The following PLB1 variants were observed in gnomAD, a reference collection of about 807,000 sequenced individuals.
The protein encoded by PLB1 is phospholipase B1.
In PLB1, 242 loss-of-function variants were observed where a neutral mutation model predicts 227.4. The ratio of observed to expected loss-of-function variants is 1.06; its 90% CI spans 0.96 to 1.18. PLB1 has a LOEUF of 1.18. Among genes scored for constraint, PLB1 ranks in the 50% most tolerant of loss-of-function variants. The probability of loss-of-function intolerance (pLI) is 0.00; values close to 1 mark genes in which losing one functional copy is unlikely to be tolerated. For synonymous variants in PLB1, 757 were observed against 682.2 expected, an observed-to-expected ratio of 1.11 and a Z score of -1.71; for missense variants, 1,858 against 1,816.3, an observed-to-expected ratio of 1.02 and a Z score of -0.42.
chr2:28,643,153 A>G lies in PLB1; in HGVS notation c.*92A>G. 8.6e-6 allele frequency: 11 copies of G among 1,279,290 alleles called. No homozygotes were observed. The highest frequency in any genetic ancestry group is 1.2e-5 in the Non-Finnish European group (11 of 944,474). 79.2% of individuals were successfully genotyped at this position (1,279,290 alleles called of 1,614,324 possible). ...ACTCCCGGCCACCAGGACATGCTTCAATGCCTGGTGCCATAGGAAGCCCAG... is the reference window on the plus strand; with the variant it reads ...ACTCCCGGCCACCAGGACATGCTTCGATGCCTGGTGCCATAGGAAGCCCAG... On this transcript the variant is annotated 3_prime_UTR_variant, in exon 58 of 58. Coordinates refer to ENST00000327757, the MANE Select transcript of PLB1 (RefSeq NM_153021.5).
At chr2:28,571,192 A>G (rs2148252485) in intron 20 of PLB1, among the ~76,000 whole-genome samples, 1 of 152,360 alleles carries the variant, frequency 6.6e-6, no homozygotes. Context: ...AATTAATATG[A>G]AAATGAAATT....
rs760446374 is a variant in PLB1 at position 28,590,072 on chromosome 2, A to G, written c.2084A>G (p.Asn695Ser). 3.1e-6 allele frequency: 5 copies of G among 1,611,398 alleles called. No individual in the cohort carries two copies. In the African/African-American group the frequency reaches 5.3e-5, roughly 17 times the overall value. ...AACAAGATCAATATCACATGTCCGA[A>G]CCAGGTAGAGTGGAAAGCACGTCCT... ...FENKINITCP[N>S]QVQPFLRTYK... is the part of the protein sequence containing the mutation. The change falls in exon 29 of 58, where the codon AAC (asparagine) becomes AGC (serine). Residue 695 changes from asparagine (N) to serine (S), a missense_variant. Coordinates refer to ENST00000327757, the MANE Select transcript of PLB1 (RefSeq NM_153021.5).
intron 26 of PLB1, among the ~76,000 whole-genome samples, chr2:28,588,139 T>C (rs1338020787): frequency 6.6e-6 from 1 of 152,122 alleles, no homozygotes; most frequent in African/African-American, 2.4e-5. Context: ...TTTCTATTAA[T>C]AACCACAGTC....
chr2:28,560,285 G>A (rs931280964), intron 17 of PLB1, among the ~76,000 whole-genome samples: 5 of 152,124 alleles, frequency 3.3e-5, no homozygotes, highest in Admixed American at 1.3e-4. Context: ...CCAAGTCAGG[G>A]TGACCTTGGG....
chr2:28,620,671 C>T, intron 48 of PLB1, 28 bp downstream of exon 48: 1 of 1,613,382 alleles, frequency 6.2e-7, no homozygotes, highest in South Asian at 1.1e-5. Context: ...GAGGCACCAT[C>T]ACTGTGGCCG....
chr2:28,554,334 AAT>A (rs1434652596), intron 17 of PLB1, among the ~76,000 whole-genome samples: 229 of 138,754 alleles, frequency 1.7e-3, no homozygotes, highest in African/African-American at 5.8e-3. Context: ...GAGAGAGAGA[AAT>A]TTTTTTTTTG....
At chr2:28,636,446 T>C (rs919945876) in intron 56 of PLB1, among the ~76,000 whole-genome samples, 11 of 152,310 alleles carry the variant, frequency 7.2e-5, no homozygotes, top group Non-Finnish European at 1.2e-4. Flanking sequence ...AACACATGTA[T>C]TTCCTGTGAT....
intron 22 of PLB1, 55 bp downstream of exon 22, chr2:28,578,213 CA>C (rs1679325672): frequency 1.3e-6 from 2 of 1,566,834 alleles, no homozygotes; most frequent in Admixed American, 3.4e-5. Context: ...CAGAGAAGAT[CA>C]GCTGTGGATT....
intron 9 of PLB1, among the ~76,000 whole-genome samples, chr2:28,532,651 A>C (rs950848710): frequency 6.6e-6 from 1 of 152,198 alleles, no homozygotes; most frequent in Admixed American, 6.5e-5. Flanking sequence ...AACTGAGAAA[A>C]TTAGCGTCCT....
rs557308343 is a variant in PLB1 at position 28,575,535 on chromosome 2, G to A, written c.1433+2230G>A. Reference sequence around the variant, plus strand: ...TTCATTGCCAGTGGGAAAGGTGAAAGAGTATCCAAAGTAATGGCTAACACA... The same window carrying A: ...TTCATTGCCAGTGGGAAAGGTGAAAAAGTATCCAAAGTAATGGCTAACACA... On this transcript the variant is annotated intron_variant, in intron 21 of 57. Coordinates refer to ENST00000327757, the MANE Select transcript of PLB1 (RefSeq NM_153021.5). 2.0e-5 allele frequency among the ~76,000 whole-genome samples: 3 copies of A among 152,246 alleles called. No individual in the cohort carries two copies. In the East Asian group the frequency reaches 5.8e-4, roughly 29 times the overall value.
chr2:28,518,525 T>C lies in PLB1; in HGVS notation c.177T>C (p.Ser59=). 1 of 1,610,924 alleles carries C rather than the reference T, an allele frequency of 6.2e-7. No homozygotes were observed. The highest frequency in any genetic ancestry group is 8.5e-7 in the Non-Finnish European group (1 of 1,177,010). Residue 59 remains serine, a synonymous_variant, in exon 3 of 58, where the codon TCT becomes TCC. Transcript: ENST00000327757. The part of the protein sequence containing the change: ...NPNKLGVNMP[S]KSVHSLKPSD... ...ATAAATTAGGAGTGAATATGCCTTC[T>C]AAATCAGGTATGTAACCCTTGGCCA...
At chr2:28,543,935 C>G (rs375160362) in intron 14 of PLB1, among the ~76,000 whole-genome samples, 2 of 152,218 alleles carry the variant, frequency 1.3e-5, no homozygotes, top group African/African-American at 4.8e-5. Flanking sequence ...AATGTGGCGT[C>G]GACGTCGAGG....
intron 50 of PLB1, among the ~76,000 whole-genome samples, chr2:28,626,062 C>G (rs983183528): frequency 2.0e-5 from 3 of 151,004 alleles, no homozygotes; most frequent in African/African-American, 7.3e-5. Flanking sequence ...GTGGTGCGAT[C>G]TCAGCTCACT....
At position 28,592,655 on chromosome 2, in the gene PLB1, T is replaced by C; in HGVS notation, c.2189-6T>C. The C allele has an allele frequency of 6.2e-7, 1 of 1,614,152 alleles. No individual in the cohort carries two copies. The highest frequency in any genetic ancestry group is 8.5e-7 in the Non-Finnish European group (1 of 1,180,002). On this transcript the variant is annotated splice_region_variant and splice_polypyrimidine_tract_variant and intron_variant, in intron 31 of 57. Coordinates refer to ENST00000327757, the MANE Select transcript of PLB1 (RefSeq NM_153021.5). ...CAGCCCTAAGTGTGTCCACTTGTCTTTCCAGTGCATGCCCTGAGACCTGCA... is the reference window on the plus strand; with the variant it reads ...CAGCCCTAAGTGTGTCCACTTGTCTCTCCAGTGCATGCCCTGAGACCTGCA...
intron 1 of PLB1, among the ~76,000 whole-genome samples, chr2:28,504,158 A>T (rs1242551748): frequency 6.6e-6 from 1 of 152,134 alleles, no homozygotes; most frequent in Non-Finnish European, 1.5e-5. Context: ...ATGCCAGCAC[A>T]ACGTTTGGCC....
At chr2:28,606,385 C>T (rs1372131680) in intron 42 of PLB1, 111 bp from the exon 43 acceptor site, 1 of 1,078,682 alleles carries the variant, frequency 9.3e-7, no homozygotes, top group African/African-American at 1.6e-5. Context: ...GGGAGCCAAG[C>T]CCCCTGAAAT....
Position 28,511,641 on chromosome 2 carries a change from C to T in PLB1, c.56-5167C>T, listed in dbSNP as rs189170124. Among the ~76,000 whole-genome samples the T allele has an allele frequency of 2.6e-5, 4 of 152,276 alleles. No homozygotes were observed. In the East Asian group the frequency reaches 5.8e-4, roughly 22 times the overall value. On this transcript the variant is annotated intron_variant, in intron 1 of 57. Transcript: ENST00000327757. ...AAATTTTTCTTTGGTTTTAGAACTA[C>T]ACCTAGATACATAGACTATTATAGT...
chr2:28,550,138 C>A, intron 16 of PLB1, 54 bp downstream of exon 16: 8 of 1,318,666 alleles, frequency 6.1e-6, no homozygotes, highest in African/African-American at 1.5e-5. Flanking sequence ...AGGGGCTGTA[C>A]TTCTTGCTGA....
In PLB1 at chr2:28,640,976, G is replaced by T. The variant is rs372633029; in HGVS notation, c.4148G>T (p.Arg1383Leu). 1.1e-5 allele frequency: 18 copies of T among 1,613,684 alleles called. No homozygotes were observed. Among genetic ancestry groups the T allele is most frequent in the African/African-American group, 2.7e-5 (2 of 74,904 alleles). The change falls in exon 57 of 58, where the codon CGA (arginine) becomes CTA (leucine). Residue 1383 changes from arginine to leucine, a missense_variant. Physicochemically the swap from Arg to Leu is moderately radical, Grantham distance 102. Transcript: ENST00000327757. ...KTTSNNFTHSRAKLKCPSPES... is the reference protein window; with the variant it reads ...KTTSNNFTHSLAKLKCPSPES... Reference sequence around the variant, plus strand: ...ACCTCCAACAACTTCACCCACAGCCGAGCCAAACTCAAGTGCCCCTCTCCT... The same window carrying T: ...ACCTCCAACAACTTCACCCACAGCCTAGCCAAACTCAAGTGCCCCTCTCCT...
Sources: allele counts gnomAD v4.1 joint callset (sites outside exome capture counted in the v4.1 genomes callset), GRCh38; gene constraint gnomAD v4.1.1; transcripts MANE v1.5; gene names NCBI Gene and HGNC (gene_info 2026-07-23, HGNC 2026-07-21).